SRGAP3: variants seen among roughly 807,000 people sequenced by gnomAD.
SRGAP3 encodes the protein SLIT-ROBO Rho GTPase activating protein 3.
SRGAP3 carries 39 observed loss-of-function variants against 121.1 expected under a neutral mutation model. That is an observed-to-expected ratio of 0.32 (90% confidence interval 0.25 to 0.42). The LOEUF is 0.42. Ranked by LOEUF, SRGAP3 falls within the 10% of genes least tolerant of loss-of-function variation. The probability of loss-of-function intolerance (pLI) is 1.00; values close to 1 mark genes in which losing one functional copy is unlikely to be tolerated. For missense variants in SRGAP3, 1,213 were observed against 1,470.6 expected (o/e 0.82, Z 2.86); for synonymous variants, 601 against 570.0 (o/e 1.05, Z -0.77).
chr3:9,140,680 A>G (rs1267546824), intron 1 of SRGAP3, among the ~76,000 whole-genome samples: 4 of 152,254 alleles, frequency 2.6e-5, no homozygotes, highest in Non-Finnish European at 4.4e-5. Flanking sequence ...AGGAATGCAC[A>G]CAACTGTTCC....
intron 19 of SRGAP3, chr3:8,994,128 C>T (rs1052624035): frequency 3.2e-5 from 21 of 651,660 alleles, no homozygotes; most frequent in Admixed American, 2.6e-4. Context: ...CACCCAACAC[C>T]GTTTCTGTGT....
At chr3:9,305,403 T>C (rs1955141698) in intron 3 of SRGAP3, among the ~76,000 whole-genome samples, 1 of 150,746 alleles carries the variant, frequency 6.6e-6, no homozygotes, top group Non-Finnish European at 1.5e-5. Flanking sequence ...TTTGTTGCTG[T>C]TTTTTATTTT....
intron 1 of SRGAP3, among the ~76,000 whole-genome samples, chr3:9,127,516 C>T (rs1170288191): frequency 6.6e-6 from 1 of 152,190 alleles, no homozygotes; most frequent in Non-Finnish European, 1.5e-5. Flanking sequence ...GGCCCGATCT[C>T]CACTCACTGC....
intron 3 of SRGAP3, chr3:9,293,208 TGA>T (rs1198802961): frequency 6.6e-6 from 1 of 152,084 alleles, no homozygotes; most frequent in South Asian, 2.1e-4. Context: ...GGGAGGAAAA[TGA>T]GTCAACAAAA....
chr3:9,286,113 A>AACACACACACACAC (rs34023408), intron 3 of SRGAP3, among the ~76,000 whole-genome samples: 27 of 135,076 alleles, frequency 2.0e-4, no homozygotes, highest in Non-Finnish European at 3.2e-4. Context: ...CCCTATCTCA[A>AACACACACACACAC]ACACACACAC....
intron 2 of SRGAP3, among the ~76,000 whole-genome samples, chr3:9,117,834 G>C (rs575285088): frequency 6.6e-6 from 1 of 152,294 alleles, no homozygotes; most frequent in East Asian, 1.9e-4. Context: ...AATATCATGG[G>C]GAGAGCCAGG....
intron 1 of SRGAP3, among the ~76,000 whole-genome samples, chr3:9,247,006 G>GA (rs1953850215): frequency 6.6e-6 from 1 of 152,156 alleles, no homozygotes; most frequent in African/African-American, 2.4e-5. Flanking sequence ...TGGCCCTGAA[G>GA]AAAAGTTCAC....
intron 5 of SRGAP3, 23 bp from the exon 6 acceptor site, chr3:9,060,382 G>A (rs1400305007): frequency 1.3e-6 from 2 of 1,593,354 alleles, no homozygotes; most frequent in African/African-American, 2.7e-5. Context: ...AAGAGTAGAT[G>A]TAAGAGCAAG....
chr3:9,277,936 C>T lies in SRGAP3; in HGVS notation n.442+48074G>A, dbSNP rs562485507. 2.6e-5 allele frequency among the ~76,000 whole-genome samples: 4 copies of T among 152,264 alleles called. No homozygotes were observed. In the South Asian group the frequency reaches 6.2e-4, roughly 24 times the overall value. ...GAAGCCCTCATGAATGGGATTAGTG[C>T]CTTTATAAAAGAGGCCCAAGCTGTC... On this transcript the variant is annotated intron_variant and non_coding_transcript_variant, in intron 3 of 3. Coordinates refer to the SRGAP3 transcript ENST00000490889.
intron 1 of SRGAP3, among the ~76,000 whole-genome samples, chr3:9,338,986 AAT>A (rs1261471409): frequency 6.6e-6 from 1 of 152,208 alleles, no homozygotes; most frequent in African/African-American, 2.4e-5. Flanking sequence ...TACTTACGAA[AAT>A]ATGTTTGTGC....
At chr3:9,286,113 A>AACAC (rs34023408) in intron 3 of SRGAP3, among the ~76,000 whole-genome samples, 4,723 of 134,998 alleles carry the variant, frequency 0.035, 117 homozygotes, top group Middle Eastern at 0.069. Flanking sequence ...CCCTATCTCA[A>AACAC]ACACACACAC....
intron 4 of SRGAP3, among the ~76,000 whole-genome samples, chr3:9,066,040 C>A (rs1033586370): frequency 6.6e-6 from 1 of 152,046 alleles, no homozygotes; most frequent in Admixed American, 6.6e-5. Context: ...CTCAAGTGAT[C>A]CTCCTGCCTC....
At chr3:9,132,656 T>TC (rs1391428340) in intron 1 of SRGAP3, among the ~76,000 whole-genome samples, 1 of 152,228 alleles carries the variant, frequency 6.6e-6, no homozygotes, top group African/African-American at 2.4e-5. Flanking sequence ...GTTTATTCAT[T>TC]CCCCTATTTA....
chr3:9,216,065 T>C (rs1330385191), intron 1 of SRGAP3, among the ~76,000 whole-genome samples: 2 of 150,654 alleles, frequency 1.3e-5, no homozygotes, highest in African/African-American at 4.9e-5. Context: ...TATATGTATA[T>C]ATACTCTCCA....
intron 1 of SRGAP3, among the ~76,000 whole-genome samples, chr3:9,223,742 A>C (rs1574898801): frequency 6.6e-6 from 1 of 152,330 alleles, no homozygotes; most frequent in Non-Finnish European, 1.5e-5. Flanking sequence ...AGCCATTATG[A>C]GGACAGACAC....
At chr3:9,157,821 A>C (rs946202747) in intron 1 of SRGAP3, among the ~76,000 whole-genome samples, 1 of 152,220 alleles carries the variant, frequency 6.6e-6, no homozygotes, top group Non-Finnish European at 1.5e-5. Context: ...CTGTTAAAAT[A>C]CAAACTGCTA....
At chr3:9,131,950 G>T (rs1949468132) in intron 1 of SRGAP3, among the ~76,000 whole-genome samples, 1 of 151,948 alleles carries the variant, frequency 6.6e-6, no homozygotes, top group African/African-American at 2.4e-5. Context: ...AGATCACTTT[G>T]CATGCACCCA....
In SRGAP3 at chr3:9,151,747, T is replaced by C. The variant is rs545390754; in HGVS notation, c.68-26830A>G. ...GTTGGAGGGAAGTGGCTGTCAGACA[T>C]GGTAGGGTTGAATTGTCTAGGGGTG... On this transcript the variant is annotated intron_variant, in intron 1 of 21. Coordinates refer to ENST00000383836, the MANE Select transcript of SRGAP3 (RefSeq NM_014850.4). Among the ~76,000 whole-genome samples, 3 of 152,218 alleles carry C rather than the reference T, an allele frequency of 2.0e-5. No homozygotes were observed. In the South Asian group the frequency reaches 6.2e-4, roughly 32 times the overall value.
At chr3:9,287,329 TTTAGTC>T (rs971040580) in intron 3 of SRGAP3, among the ~76,000 whole-genome samples, 10 of 152,300 alleles carry the variant, frequency 6.6e-5, no homozygotes, top group Admixed American at 5.9e-4. Context: ...CTTCTTGCAT[TTTAGTC>T]CTCCTTCTGC....
Sources: allele counts gnomAD v4.1 joint callset (sites outside exome capture counted in the v4.1 genomes callset), GRCh38; gene constraint gnomAD v4.1.1; transcripts MANE v1.5; gene names NCBI Gene and HGNC (gene_info 2026-07-23, HGNC 2026-07-21).